TMPRSS9: variants seen among roughly 807,000 people sequenced by gnomAD.
The protein encoded by TMPRSS9 is transmembrane protease serine 9.
A neutral mutation model predicts 111.4 loss-of-function variants in TMPRSS9; 113 were observed. The observed-to-expected ratio is 1.01, with a 90% CI of 0.87 to 1.19. The LOEUF is 1.19. TMPRSS9 is among the 50% of genes most tolerant of loss of function. The probability of loss-of-function intolerance (pLI) is 0.00; values close to 1 mark genes in which losing one functional copy is unlikely to be tolerated. For missense variants in TMPRSS9, 1,803 were observed against 1,513.1 expected (o/e 1.19, Z -3.18); for synonymous variants, 805 against 659.1 (o/e 1.22, Z -3.39).
At chr19:2,366,653 C>T (rs975556023) in intron 1 of TMPRSS9, among the ~76,000 whole-genome samples, 6 of 151,432 alleles carry the variant, frequency 4.0e-5, no homozygotes, top group Admixed American at 1.3e-4. Context: ...GTCAGGAGAT[C>T]AAGACCATCC....
Position 2,416,527 on chromosome 19 carries a change from T to G in TMPRSS9, c.1746-11T>G. The G allele has an allele frequency of 1.3e-6, 2 of 1,598,902 alleles. No homozygotes were observed. The highest frequency in any genetic ancestry group is 1.7e-6 in the Non-Finnish European group (2 of 1,173,414). On this transcript the variant is annotated splice_polypyrimidine_tract_variant and intron_variant, in intron 11 of 17. Transcript: ENST00000648592. ...GGAGGGCAGGCATGTCTGAGGGCCCTGTCTCCATAGCACGAAGGTGGAGCA... is the reference window on the plus strand; with the variant it reads ...GGAGGGCAGGCATGTCTGAGGGCCCGGTCTCCATAGCACGAAGGTGGAGCA...
chr19:2,393,986 A>T (rs1301417582), intron 1 of TMPRSS9, among the ~76,000 whole-genome samples: 1 of 151,094 alleles, frequency 6.6e-6, no homozygotes, highest in Non-Finnish European at 1.5e-5. Flanking sequence ...GCGGATCATG[A>T]GGTCAGGAGA....
At chr19:2,416,429 C>A in intron 11 of TMPRSS9, 109 bp from the exon 13 acceptor site, 1 of 1,427,242 alleles carries the variant, frequency 7.0e-7, no homozygotes, top group Non-Finnish European at 9.3e-7. Flanking sequence ...GGTCCTGGGG[C>A]CCAGGCAGCC....
chr19:2,374,782 C>G (rs1161675233), intron 1 of TMPRSS9, among the ~76,000 whole-genome samples: 1 of 152,018 alleles, frequency 6.6e-6, no homozygotes, highest in East Asian at 1.9e-4. Context: ...AGGTGGGCGC[C>G]GAGTGCATAC....
chr19:2,371,739 G>C (rs1456917598), intron 1 of TMPRSS9, among the ~76,000 whole-genome samples: 1 of 151,324 alleles, frequency 6.6e-6, no homozygotes, highest in Non-Finnish European at 1.5e-5. Context: ...AACTAGAATA[G>C]CCTTGAGCAA....
intron 15 of TMPRSS9, among the ~76,000 whole-genome samples, chr19:2,424,543 C>CCCCG (rs1491176712): frequency 8.2e-5 from 12 of 146,454 alleles, no homozygotes; most frequent in African/African-American, 3.1e-4. Flanking sequence ...GGCCCCCCCC[C>CCCCG]TCCAGCTCCA....
chr19:2,413,893 C>A (rs1971160245), exon 10 of TMPRSS9: 2 of 1,613,088 alleles, frequency 1.2e-6, no homozygotes, highest in Non-Finnish European at 1.7e-6. Context: ...ATGGCTCCTG[C>A]CCCTGCCGCC....
intron 11 of TMPRSS9, 77 bp from the exon 13 acceptor site, chr19:2,416,461 T>A (rs1971232774): frequency 1.3e-6 from 2 of 1,523,240 alleles, no homozygotes; most frequent in African/African-American, 2.7e-5. Flanking sequence ...CCTGGGGGTG[T>A]GCATCAGCCC....
intron 1 of TMPRSS9, among the ~76,000 whole-genome samples, chr19:2,378,891 G>A (rs1357958740): frequency 3.3e-5 from 5 of 152,156 alleles, no homozygotes; most frequent in Non-Finnish European, 7.3e-5. Flanking sequence ...GCCCAACAAA[G>A]GGGAAGCCCC....
intron 4 of TMPRSS9, among the ~76,000 whole-genome samples, chr19:2,400,706 G>C (rs906382880): frequency 2.0e-5 from 3 of 152,072 alleles, no homozygotes; most frequent in Non-Finnish European, 4.4e-5. Flanking sequence ...AGGTGTGGTG[G>C]CTCATGCCTG....
chr19:2,376,909 C>T (rs777258946), intron 1 of TMPRSS9, among the ~76,000 whole-genome samples: 12 of 152,094 alleles, frequency 7.9e-5, no homozygotes, highest in Non-Finnish European at 1.6e-4. Context: ...TGCCAGGATG[C>T]AATTTCTCTG....
intron 1 of TMPRSS9, among the ~76,000 whole-genome samples, chr19:2,394,500 T>G (rs569856066): frequency 3.2e-4 from 48 of 152,316 alleles, no homozygotes; most frequent in Non-Finnish European, 5.7e-4. Flanking sequence ...GAACTATTTC[T>G]GCAACTTCCT....
intron 5 of TMPRSS9, 103 bp downstream of exon 6, chr19:2,402,119 G>A (rs570990818): frequency 8.5e-5 from 101 of 1,190,814 alleles, no homozygotes; most frequent in Middle Eastern, 4.5e-4. Context: ...GAGGCTGGGC[G>A]CGGTGGCTCA....
At chr19:2,421,737 C>T in intron 13 of TMPRSS9, 117 bp from the exon 15 acceptor site, 1 of 1,167,566 alleles carries the variant, frequency 8.6e-7, no homozygotes, top group Non-Finnish European at 1.2e-6. Context: ...CCGCGCTGTG[C>T]CCTCTGCCCC....
At chr19:2,369,538 C>T (rs948222901) in intron 1 of TMPRSS9, among the ~76,000 whole-genome samples, 1 of 152,034 alleles carries the variant, frequency 6.6e-6, no homozygotes, top group Non-Finnish European at 1.5e-5. Context: ...GATCTTCCTG[C>T]CTCAGCCTCC....
chr19:2,375,579 G>C (rs1188233887), intron 1 of TMPRSS9, among the ~76,000 whole-genome samples: 2 of 152,134 alleles, frequency 1.3e-5, no homozygotes, highest in African/African-American at 4.8e-5. Flanking sequence ...TGGCAGGCCA[G>C]GGTCCAGTGT....
intron 1 of TMPRSS9, among the ~76,000 whole-genome samples, chr19:2,393,099 T>A (rs999466580): frequency 6.6e-6 from 1 of 152,156 alleles, no homozygotes; most frequent in Non-Finnish European, 1.5e-5. Flanking sequence ...ATCAGGAGGA[T>A]GTGGGTGGGG....
At chr19:2,372,567 C>T (rs974167404) in intron 1 of TMPRSS9, among the ~76,000 whole-genome samples, 1 of 152,136 alleles carries the variant, frequency 6.6e-6, no homozygotes, top group African/African-American at 2.4e-5. Context: ...CTGAGATTAG[C>T]AGTGTGAAGG....
chr19:2,366,244 G>A (rs72987495), intron 1 of TMPRSS9, among the ~76,000 whole-genome samples: 25 of 149,238 alleles, frequency 1.7e-4, no homozygotes, highest in African/African-American at 5.4e-4. Context: ...CTACTCAGGC[G>A]GCCGAGGTGG....
Sources: gnomAD v4.1 joint callset for allele counts (sites outside exome capture counted in the v4.1 genomes callset) on GRCh38, gnomAD v4.1.1 for gene constraint, MANE v1.5 for transcripts, NCBI Gene and HGNC (gene_info 2026-07-23, HGNC 2026-07-21) for gene names.